AIG1: variants seen among roughly 807,000 people sequenced by gnomAD.
The protein encoded by AIG1 is androgen-induced gene 1 protein.
Under a neutral mutation model 31.4 loss-of-function variants are expected in AIG1, and 23 were observed. That is an observed-to-expected ratio of 0.73 (90% CI 0.53 to 1.04). The LOEUF is 1.04. Ranked by LOEUF, AIG1 falls within the 50% of genes least tolerant of loss-of-function variation. The pLI is 0.00. For synonymous variants in AIG1, 100 were observed against 110.5 expected (o/e 0.90, Z 0.60); for missense variants, 274 against 295.0 (o/e 0.93, Z 0.52).
intron 3 of AIG1, among the ~76,000 whole-genome samples, chr6:143,175,418 C>T (rs1788050284): frequency 6.6e-6 from 1 of 152,170 alleles, no homozygotes; most frequent in South Asian, 2.1e-4. Flanking sequence ...TTTGGATTTC[C>T]CTTCTTCTTC....
Position 143,330,639 on chromosome 6 carries a change from A to G in AIG1, c.516-2643A>G, listed in dbSNP as rs1345180362. Among the ~76,000 whole-genome samples the G allele has an allele frequency of 6.6e-6, 1 of 152,200 alleles. No individual in the cohort carries two copies. Among genetic ancestry groups the G allele is most frequent in the African/African-American group, 2.4e-5 (1 of 41,452 alleles). ...GGAGAGGAAGCAAGTTTTGAGCAGAATAGTGGCATGGCCTGACTCACATTT... is the reference window on the plus strand; with the variant it reads ...GGAGAGGAAGCAAGTTTTGAGCAGAGTAGTGGCATGGCCTGACTCACATTT... On this transcript the variant is annotated intron_variant, in intron 4 of 5. Transcript: ENST00000357847. This position sits in a 1 kb window ranked among gnomAD's most constrained non-coding sequence, Gnocchi z 4.4.
chr6:143,282,905 A>G (rs1562554755), intron 3 of AIG1, among the ~76,000 whole-genome samples: 1 of 152,226 alleles, frequency 6.6e-6, no homozygotes, highest in Non-Finnish European at 1.5e-5. Context: ...AAATCATAAT[A>G]TTCAATTTCC....
At chr6:143,081,865 T>C (rs1163010583) in intron 1 of AIG1, among the ~76,000 whole-genome samples, 1 of 152,206 alleles carries the variant, frequency 6.6e-6, no homozygotes, top group Non-Finnish European at 1.5e-5. Context: ...TACCCCATAC[T>C]AGGGGTCCTT....
At chr6:143,065,176 T>G (rs192399808) in intron 1 of AIG1, among the ~76,000 whole-genome samples, 1 of 152,136 alleles carries the variant, frequency 6.6e-6, no homozygotes, top group African/African-American at 2.4e-5. Flanking sequence ...TCTTTTGTGG[T>G]TTTTCGGTTG....
intron 3 of AIG1, among the ~76,000 whole-genome samples, chr6:143,211,444 G>C (rs1441192252): frequency 6.6e-6 from 1 of 152,172 alleles, no homozygotes; most frequent in Non-Finnish European, 1.5e-5. Flanking sequence ...CCATTTGCAG[G>C]AACCACAGAG....
chr6:143,086,766 T>G (rs1778822094), intron 1 of AIG1, among the ~76,000 whole-genome samples: 1 of 152,150 alleles, frequency 6.6e-6, no homozygotes, highest in African/African-American at 2.4e-5. Context: ...AGGAGAATTT[T>G]GGGGCTATAC....
intron 1 of AIG1, among the ~76,000 whole-genome samples, chr6:143,108,747 T>C (rs1781030457): frequency 1.3e-5 from 2 of 152,194 alleles, no homozygotes; most frequent in South Asian, 4.1e-4. Context: ...TGGAATGCCA[T>C]TATCCTGTTT....
In AIG1 at chr6:143,297,452, A is replaced by G. The variant is rs66583367; in HGVS notation, c.515+13227A>G. 0.24 allele frequency among the ~76,000 whole-genome samples: 37,061 copies of G among 151,734 alleles called. 4,627 individuals carry two copies. Among genetic ancestry groups the G allele is most frequent in the South Asian group, 0.29 (1,365 of 4,786 alleles). Reference sequence around the variant, plus strand: ...TTCATGATTGGGTGGGTGGTTATTTAGATGATTGGTTGGTTGGTTGGTTGG... The same window carrying G: ...TTCATGATTGGGTGGGTGGTTATTTGGATGATTGGTTGGTTGGTTGGTTGG... On this transcript the variant is annotated intron_variant, in intron 4 of 5. Transcript: ENST00000357847. This position sits in a 1 kb window ranked among gnomAD's most constrained non-coding sequence, Gnocchi z 5.1.
At chr6:143,118,868 C>CTT (rs1272273294) in intron 1 of AIG1, among the ~76,000 whole-genome samples, 6 of 135,144 alleles carry the variant, frequency 4.4e-5, no homozygotes, top group Non-Finnish European at 6.5e-5. Flanking sequence ...AAAGAATTTT[C>CTT]TTTTTTTTTT....
Position 143,061,117 on chromosome 6 carries a change from C to CGTGT in AIG1, c.141+79_141+82dup, listed in dbSNP as rs138059311. ...GCCCCGCACCCCGTGCCTGTGTGTG[C>CGTGT]GTGTGTGTGTGTGTGTGTGTGTGTG... On this transcript the variant is annotated intron_variant, in intron 1 of 5. Transcript: ENST00000357847. 5.7e-3 allele frequency: 8,055 copies of CGTGT among 1,408,760 alleles called. 18 individuals are homozygous for CGTGT. Among genetic ancestry groups the CGTGT allele is most frequent in the African/African-American group, 0.023 (1,591 of 68,770 alleles). 87.3% of individuals were successfully genotyped at this position (1,408,760 alleles called of 1,614,324 possible).
At chr6:143,207,608 G>A (rs912678166) in intron 3 of AIG1, among the ~76,000 whole-genome samples, 1 of 151,992 alleles carries the variant, frequency 6.6e-6, no homozygotes, top group South Asian at 2.1e-4. Flanking sequence ...ATATCCAGGA[G>A]CAAGGTGGAA....
At chr6:143,335,079 A>G (rs1469067662) in intron 5 of AIG1, 6 of 1,457,774 alleles carry the variant, frequency 4.1e-6, no homozygotes, top group Non-Finnish European at 5.4e-6. Context: ...TGTACCTAGG[A>G]CCATCTAGTT....
At chr6:143,129,060 G>A (rs887369945) in intron 1 of AIG1, among the ~76,000 whole-genome samples, 6 of 152,194 alleles carry the variant, frequency 3.9e-5, no homozygotes, top group Non-Finnish European at 7.3e-5. Flanking sequence ...GGGAGGCCGA[G>A]GCAGGCAGAT....
At chr6:143,188,881 A>C (rs1175414937) in intron 3 of AIG1, 1 of 985,266 alleles carries the variant, frequency 1.0e-6, no homozygotes. Context: ...GCATTTCTGT[A>C]AATTTAAAGT....
chr6:143,177,053 C>G (rs1788235870), intron 3 of AIG1, among the ~76,000 whole-genome samples: 1 of 152,204 alleles, frequency 6.6e-6, no homozygotes, highest in South Asian at 2.1e-4. Flanking sequence ...CCTTCAAGTT[C>G]AGAAACTCTT....
At chr6:143,262,698 A>G (rs1243685760) in intron 3 of AIG1, among the ~76,000 whole-genome samples, 2 of 152,208 alleles carry the variant, frequency 1.3e-5, no homozygotes, top group Non-Finnish European at 2.9e-5. Context: ...AAGACTCATT[A>G]GAAAAAAATA....
intron 3 of AIG1, among the ~76,000 whole-genome samples, chr6:143,277,218 TG>T (rs1000997455): frequency 6.6e-6 from 1 of 152,142 alleles, no homozygotes; most frequent in Non-Finnish European, 1.5e-5. Context: ...TTTTGTTCTA[TG>T]GGGGGGTGAG....
chr6:143,173,597 T>C (rs1162125353), intron 3 of AIG1, among the ~76,000 whole-genome samples: 2 of 152,192 alleles, frequency 1.3e-5, no homozygotes, highest in Admixed American at 6.5e-5. Context: ...CTATTATTGT[T>C]CAGTTCAAAG....
intron 5 of AIG1, among the ~76,000 whole-genome samples, chr6:143,337,653 G>A (rs779626369): frequency 1.3e-5 from 2 of 152,184 alleles, no homozygotes; most frequent in Non-Finnish European, 2.9e-5. Context: ...AGAGAAAGTA[G>A]GCAAGCGGGG....
Sources: gnomAD v4.1 joint callset for allele counts (sites outside exome capture counted in the v4.1 genomes callset) on GRCh38, gnomAD v4.1.1 for gene constraint, Gnocchi (gnomAD v3.1) non-coding constraint, MANE v1.5 for transcripts, NCBI Gene and HGNC (gene_info 2026-07-23, HGNC 2026-07-21) for gene names.